NPY2R: variants seen among roughly 807,000 people sequenced by gnomAD.
NPY2R encodes the protein neuropeptide Y receptor type 2.
Under a neutral mutation model 22.3 loss-of-function variants are expected in NPY2R, and 17 were observed. That is an observed-to-expected ratio of 0.76 (90% CI 0.52 to 1.14). The LOEUF is 1.14. Ranked by LOEUF, NPY2R falls within the 50% of genes most tolerant of loss-of-function variation. The pLI, the probability that NPY2R is intolerant of heterozygous loss-of-function variation, is 0.00. For missense variants in NPY2R, 424 were observed against 467.9 expected (o/e 0.91, Z 0.87); for synonymous variants, 209 against 183.4 (o/e 1.14, Z -1.13).
At chr4:155,180,786 C>G in the NPY2R span, among the ~76,000 whole-genome samples, 1 of 151,830 alleles carries the variant, frequency 6.6e-6, no homozygotes, top group East Asian at 1.9e-4. Flanking sequence ...GAAATAAGAG[C>G]ATCCAATTTT....
chr4:155,197,621 G>GA, the NPY2R span, among the ~76,000 whole-genome samples: 1 of 151,260 alleles, frequency 6.6e-6, no homozygotes, highest in Admixed American at 6.6e-5. Context: ...CTCTATAAGT[G>GA]AAAAAAAATA....
the NPY2R span, among the ~76,000 whole-genome samples, chr4:155,183,666 G>A: frequency 6.6e-6 from 1 of 152,148 alleles, no homozygotes; most frequent in East Asian, 1.9e-4. Context: ...TTTACAAAGG[G>A]CCTAGAGTGT....
chr4:155,174,855 T>C, the NPY2R span, among the ~76,000 whole-genome samples: 1 of 152,042 alleles, frequency 6.6e-6, no homozygotes, highest in African/African-American at 2.4e-5. Flanking sequence ...AACATGAAAA[T>C]TATTACACAA....
chr4:155,191,980 C>T, the NPY2R span, among the ~76,000 whole-genome samples: 1 of 151,806 alleles, frequency 6.6e-6, no homozygotes, highest in Non-Finnish European at 1.5e-5. Context: ...TTAAAGTCAC[C>T]ACTTTATGCA....
At chr4:155,203,538 G>A in the NPY2R span, among the ~76,000 whole-genome samples, 2 of 152,086 alleles carry the variant, frequency 1.3e-5, no homozygotes, top group Non-Finnish European at 2.9e-5. Context: ...ATTTGATGCA[G>A]CCCCAATTAT....
upstream of NPY2R, chr4:155,207,529 C>T (rs1428361401): frequency 6.6e-6 from 1 of 152,232 alleles, no homozygotes; most frequent in East Asian, 1.9e-4. Context: ...CTACTGCCTC[C>T]TCTTAAAACC....
At chr4:155,211,323 G>A (rs1414658006) in intron 1 of NPY2R, among the ~76,000 whole-genome samples, 1 of 152,184 alleles carries the variant, frequency 6.6e-6, no homozygotes, top group African/African-American at 2.4e-5. Flanking sequence ...GGCATTAGAA[G>A]TGAGCACAGG....
upstream of NPY2R, among the ~76,000 whole-genome samples, chr4:155,204,212 A>C (rs925178079): frequency 6.6e-5 from 10 of 152,154 alleles, no homozygotes; most frequent in African/African-American, 2.2e-4. Flanking sequence ...GAAAAAAAAA[A>C]AAACGAAAAA....
chr4:155,179,529 T>A, the NPY2R span, among the ~76,000 whole-genome samples: 1 of 152,158 alleles, frequency 6.6e-6, no homozygotes, highest in Non-Finnish European at 1.5e-5. Context: ...CAATTTAGGA[T>A]CTTCACTGAC....
rs891118025 is a variant in NPY2R at position 155,215,548 on chromosome 4, C to G, written c.*463C>G. ...TTTCTCCAGGGAGCCACAGGCTCTCCTTCATCGCATTTTGATTTTTTTGTT... is the reference window on the plus strand; with the variant it reads ...TTTCTCCAGGGAGCCACAGGCTCTCGTTCATCGCATTTTGATTTTTTTGTT... On this transcript the variant is annotated 3_prime_UTR_variant, in exon 2 of 2. Transcript: ENST00000329476. 1.0e-5 allele frequency: 2 copies of G among 199,616 alleles called. No individual in the cohort carries two copies. The highest frequency in any genetic ancestry group is 4.8e-5 in the African/African-American group (2 of 42,094). The allele number at this position is 199,616 out of a possible 1,614,324, so 12.4% of individuals were successfully genotyped here. A position where few individuals can be genotyped will look rare whatever the true frequency, so the allele number is the denominator to read the frequency against.
At chr4:155,209,111 A>G (rs563284003) in intron 1 of NPY2R, 42 bp downstream of exon 1, 3 of 152,366 alleles carry the variant, frequency 2.0e-5, no homozygotes, top group South Asian at 2.1e-4. Flanking sequence ...TGGGAACAAG[A>G]AAATCCCTAG....
chr4:155,197,193 T>C, the NPY2R span, among the ~76,000 whole-genome samples: 4 of 152,132 alleles, frequency 2.6e-5, no homozygotes, highest in African/African-American at 9.6e-5. Context: ...TCCAACTTCA[T>C]ATCTTGCAGT....
upstream of NPY2R, chr4:155,208,482 G>A (rs1373489880): frequency 6.6e-6 from 1 of 152,402 alleles, no homozygotes; most frequent in Non-Finnish European, 1.5e-5. This position sits in a 1 kb window ranked among gnomAD's most constrained non-coding sequence, Gnocchi z 5.6. Context: ...TGGAAGGGAA[G>A]GGAGGTAGGG....
the NPY2R span, among the ~76,000 whole-genome samples, chr4:155,186,019 C>T: frequency 6.6e-6 from 1 of 152,118 alleles, no homozygotes; most frequent in Non-Finnish European, 1.5e-5. Flanking sequence ...AGTATCGCCA[C>T]TCTGTATCAT....
At chr4:155,191,734 C>G in the NPY2R span, among the ~76,000 whole-genome samples, 1 of 151,852 alleles carries the variant, frequency 6.6e-6, no homozygotes. Flanking sequence ...CTTTGCTGGA[C>G]TAAATTTATG....
In NPY2R at chr4:155,214,819, G is replaced by A. The variant is rs745430613; in HGVS notation, c.880G>A (p.Asp294Asn). 1 of 1,611,916 alleles carries A rather than the reference G, an allele frequency of 6.2e-7. No homozygotes were observed. ...TGCCTTCCAGCTTGCCGTTGACATT[G>A]ACAGCCAGGTCCTGGACCTGAAGGA... The part of the protein sequence containing the change: ...LHAFQLAVDI[D>N]SQVLDLKEYK... The change falls in exon 2 of 2, where the codon GAC becomes AAC. Residue 294 changes from aspartate to asparagine, a missense_variant. Asp to Asn is a conservative substitution (Grantham distance 23). Transcript: ENST00000329476.
At chr4:155,206,475 G>C (rs1347127248), upstream of NPY2R, 4 of 152,156 alleles carry the variant, frequency 2.6e-5, no homozygotes, top group Non-Finnish European at 4.4e-5. Context: ...AATTCCCACA[G>C]CTCTCCTTGA....
upstream of NPY2R, chr4:155,207,911 A>G (rs1021259787): frequency 1.3e-5 from 2 of 152,278 alleles, no homozygotes; most frequent in Non-Finnish European, 2.9e-5. Context: ...AGAGCTCACT[A>G]CACAGGTTCC....
chr4:155,183,494 G>A, the NPY2R span, among the ~76,000 whole-genome samples: 1 of 152,196 alleles, frequency 6.6e-6, no homozygotes, highest in Admixed American at 6.5e-5. Context: ...AACTTCAACT[G>A]GAACAAATGG....
Sources: gnomAD v4.1 joint callset for allele counts (sites outside exome capture counted in the v4.1 genomes callset) on GRCh38, gnomAD v4.1.1 for gene constraint, Gnocchi (gnomAD v3.1) non-coding constraint, MANE v1.5 for transcripts, NCBI Gene and HGNC (gene_info 2026-07-23, HGNC 2026-07-21) for gene names.